Variants in CNRIP1 observed in about 807,000 individuals in gnomAD.
CNRIP1 encodes cannabinoid receptor interacting protein 1, also known as CB1 cannabinoid receptor-interacting protein 1.
A neutral mutation model predicts 15.2 loss-of-function variants in CNRIP1; 10 were observed. The observed-to-expected ratio is 0.66, with a 90% CI of 0.41 to 1.12. The LOEUF (loss-of-function observed/expected upper bound fraction) is 1.12. Ranked by LOEUF, CNRIP1 falls within the 50% of genes most tolerant of loss-of-function variation. The pLI, the probability that CNRIP1 is intolerant of heterozygous loss-of-function variation, is 0.00. For synonymous variants in CNRIP1, 91 were observed against 83.2 expected, an observed-to-expected ratio of 1.09 and a Z score of -0.51; for missense variants, 211 against 214.7, an observed-to-expected ratio of 0.98 and a Z score of 0.11.
At chr2:68,306,741 A>G (rs1169865239) in intron 2 of CNRIP1, among the ~76,000 whole-genome samples, 1 of 151,362 alleles carries the variant, frequency 6.6e-6, no homozygotes, top group Admixed American at 6.6e-5. Context: ...AGATTGCACC[A>G]TTGTACCACA....
chr2:68,310,750 A>C (rs551681466), intron 2 of CNRIP1, among the ~76,000 whole-genome samples: 1 of 151,836 alleles, frequency 6.6e-6, no homozygotes, highest in Non-Finnish European at 1.5e-5. Flanking sequence ...ATTTACTCTA[A>C]CTAGAGCCAG....
intron 2 of CNRIP1, among the ~76,000 whole-genome samples, chr2:68,296,442 G>A (rs952041357): frequency 1.3e-5 from 2 of 152,080 alleles, no homozygotes; most frequent in East Asian, 3.9e-4. Flanking sequence ...GTGAGACTGA[G>A]ATAGGAGGAT....
chr2:68,308,572 C>T (rs1671954276), intron 2 of CNRIP1, among the ~76,000 whole-genome samples: 1 of 151,672 alleles, frequency 6.6e-6, no homozygotes, highest in Admixed American at 6.6e-5. Context: ...CTTATTTAAC[C>T]TTAATTTATA....
chr2:68,309,966 T>G (rs963642720), intron 2 of CNRIP1, among the ~76,000 whole-genome samples: 13 of 152,152 alleles, frequency 8.5e-5, no homozygotes, highest in South Asian at 2.1e-4. Context: ...TATGTATGTA[T>G]GTATGTATGT....
At chr2:68,317,331 C>T in intron 1 of CNRIP1, 24 bp from the exon 2 acceptor site, 3 of 1,611,392 alleles carry the variant, frequency 1.9e-6, no homozygotes, top group Non-Finnish European at 2.5e-6. Context: ...GAGTTGACCA[C>T]ATACGGTTGA....
intron 2 of CNRIP1, among the ~76,000 whole-genome samples, chr2:68,287,306 A>G (rs1380618018): frequency 6.6e-6 from 1 of 152,226 alleles, no homozygotes; most frequent in East Asian, 1.9e-4. Context: ...CCAGAATCTT[A>G]GTGATGGTTT....
At chr2:68,304,754 G>A (rs946769422) in intron 2 of CNRIP1, among the ~76,000 whole-genome samples, 4 of 152,008 alleles carry the variant, frequency 2.6e-5, no homozygotes, top group African/African-American at 9.6e-5. Flanking sequence ...CCAAGTAGCT[G>A]GGACTACAGG....
chr2:68,308,153 A>C (rs1671929498), intron 2 of CNRIP1, among the ~76,000 whole-genome samples: 1 of 152,134 alleles, frequency 6.6e-6, no homozygotes, highest in South Asian at 2.1e-4. Context: ...TGATCATGCC[A>C]CTGCACTCTA....
At chr2:68,284,320 T>A in exon 3 of CNRIP1, 1 of 631,218 alleles carries the variant, frequency 1.6e-6, no homozygotes, top group Non-Finnish European at 2.5e-6. Context: ...GCATCCCCGA[T>A]AATTCTGATG....
At chr2:68,284,457 T>C in exon 3 of CNRIP1, 1 of 1,540,500 alleles carries the variant, frequency 6.5e-7, no homozygotes, top group Non-Finnish European at 8.8e-7. Flanking sequence ...GTAAGAGAGA[T>C]CTCTTGGGGT....
intron 2 of CNRIP1, among the ~76,000 whole-genome samples, chr2:68,305,808 A>AG (rs555928480): frequency 6.9e-6 from 1 of 144,002 alleles, no homozygotes. Context: ...AAAAAAAAAA[A>AG]ACACACACAC....
At chr2:68,317,019 G>C (rs1191390085) in intron 2 of CNRIP1, 138 bp downstream of exon 2, 1 of 1,058,710 alleles carries the variant, frequency 9.4e-7, no homozygotes, top group Admixed American at 1.7e-5. Flanking sequence ...GCAGATGCTT[G>C]AAGGAAATCC....
chr2:68,312,201 G>A (rs747649409), intron 2 of CNRIP1, among the ~76,000 whole-genome samples: 11 of 151,678 alleles, frequency 7.3e-5, no homozygotes, highest in Admixed American at 2.0e-4. Context: ...TATCCCCCCC[G>A]GAACATAGAT....
chr2:68,317,531 G>A (rs1672321049), intron 1 of CNRIP1, among the ~76,000 whole-genome samples: 1 of 152,214 alleles, frequency 6.6e-6, no homozygotes, highest in Non-Finnish European at 1.5e-5. Flanking sequence ...GGCCTGGGAT[G>A]TAGTTTGGAC....
intron 2 of CNRIP1, among the ~76,000 whole-genome samples, chr2:68,314,706 T>C (rs1672207942): frequency 6.6e-6 from 1 of 152,070 alleles, no homozygotes; most frequent in Non-Finnish European, 1.5e-5. Context: ...GGTGTAACAA[T>C]AGATAGATCA....
At chr2:68,312,136 C>T (rs983786662) in intron 2 of CNRIP1, among the ~76,000 whole-genome samples, 3 of 152,160 alleles carry the variant, frequency 2.0e-5, no homozygotes, top group African/African-American at 7.2e-5. Flanking sequence ...GCCAGCATTA[C>T]TCTGATACCC....
chr2:68,308,374 T>C (rs1671941095), intron 2 of CNRIP1, among the ~76,000 whole-genome samples: 1 of 152,210 alleles, frequency 6.6e-6, no homozygotes, highest in African/African-American at 2.4e-5. Context: ...CTGTTGAAGA[T>C]TGGTATTTTT....
chr2:68,317,117 T>C (rs1558670302), intron 2 of CNRIP1, 40 bp downstream of exon 2: 1 of 1,613,346 alleles, frequency 6.2e-7, no homozygotes, highest in Non-Finnish European at 8.5e-7. Flanking sequence ...GTTTCCATTT[T>C]CCATGGCACC....
intron 2 of CNRIP1, among the ~76,000 whole-genome samples, chr2:68,301,047 T>G (rs1671587261): frequency 6.6e-6 from 1 of 152,188 alleles, no homozygotes; most frequent in South Asian, 2.1e-4. Flanking sequence ...TCAAATAATT[T>G]TATGTAGCCA....
Sources: gnomAD v4.1 joint callset for allele counts (sites outside exome capture counted in the v4.1 genomes callset) on GRCh38, gnomAD v4.1.1 for gene constraint, MANE v1.5 for transcripts, NCBI Gene and HGNC (gene_info 2026-07-23, HGNC 2026-07-21) for gene names.